PCDHA8: variants seen among roughly 807,000 people sequenced by gnomAD.
The protein encoded by PCDHA8 is protocadherin alpha 8.
PCDHA8 carries 53 observed loss-of-function variants against 61.8 expected under a neutral mutation model. The ratio of observed to expected loss-of-function variants is 0.86; its 90% CI spans 0.69 to 1.08. The LOEUF (loss-of-function observed/expected upper bound fraction) is 1.08. PCDHA8 is among the 50% of genes least tolerant of loss of function. The pLI, the probability that PCDHA8 is intolerant of heterozygous loss-of-function variation, is 0.00. For missense variants in PCDHA8, 1,293 were observed against 1,245.0 expected (o/e 1.04, Z -0.58); for synonymous variants, 618 against 556.6 (o/e 1.11, Z -1.55).
At chr5:141,007,933 A>T (rs1168610845) in intron 3 of PCDHA8, among the ~76,000 whole-genome samples, 1 of 152,212 alleles carries the variant, frequency 6.6e-6, no homozygotes, top group African/African-American at 2.4e-5. Context: ...TGGAATTCTA[A>T]GCCACCTTTT....
At chr5:140,848,355 C>A in intron 1 of PCDHA8, 1 of 1,031,242 alleles carries the variant, frequency 9.7e-7, no homozygotes, top group Non-Finnish European at 1.4e-6. Context: ...GCCCTTTTCC[C>A]ATGGGAAAGA....
At chr5:140,869,174 G>A (rs2050887580) in intron 1 of PCDHA8, 1 of 1,613,958 alleles carries the variant, frequency 6.2e-7, no homozygotes, top group Non-Finnish European at 8.5e-7. Flanking sequence ...CTCGAATTCT[G>A]GGAGGTGGGG....
intron 1 of PCDHA8, chr5:140,967,711 G>C (rs557842321): frequency 6.2e-7 from 1 of 1,614,168 alleles, no homozygotes; most frequent in East Asian, 2.2e-5. Context: ...CCAGTACCGG[G>C]GAAGTGCGAG....
At chr5:140,968,321 A>ACCTCCTATGT in intron 1 of PCDHA8, 1 of 1,613,834 alleles carries the variant, frequency 6.2e-7, no homozygotes, top group Non-Finnish European at 8.5e-7. Flanking sequence ...GCTGCCAGTC[A>ACCTCCTATGT]CCTCCTATGT....
chr5:140,989,630 G>C (rs1483532761), intron 3 of PCDHA8, among the ~76,000 whole-genome samples: 4 of 152,228 alleles, frequency 2.6e-5, no homozygotes, highest in Admixed American at 2.6e-4. Context: ...CCTAGTGACA[G>C]CAAGGGTCTT....
chr5:141,000,158 A>G (rs1313496168), intron 3 of PCDHA8, among the ~76,000 whole-genome samples: 1 of 151,968 alleles, frequency 6.6e-6, no homozygotes, highest in Non-Finnish European at 1.5e-5. Context: ...AACAAAAACT[A>G]TTTGATTATT....
intron 1 of PCDHA8, chr5:140,882,226 G>A (rs778262653): frequency 1.3e-6 from 2 of 1,564,150 alleles, no homozygotes; most frequent in Non-Finnish European, 1.7e-6. Context: ...GAGGTAAGGC[G>A]TTGTATATAT....
intron 1 of PCDHA8, chr5:140,847,674 G>A (rs2150402803): frequency 6.7e-6 from 1 of 149,800 alleles, no homozygotes; most frequent in African/African-American, 2.4e-5. Flanking sequence ...AGCTTGGAAA[G>A]AATCAAAACA....
At chr5:141,005,478 C>T (rs1021420332) in intron 3 of PCDHA8, among the ~76,000 whole-genome samples, 8 of 151,550 alleles carry the variant, frequency 5.3e-5, no homozygotes, top group East Asian at 3.9e-4. Context: ...CCGAGACGGG[C>T]GGATCATGAG....
intron 1 of PCDHA8, among the ~76,000 whole-genome samples, chr5:140,899,543 G>C (rs1231734616): frequency 1.3e-5 from 2 of 152,144 alleles, no homozygotes; most frequent in Non-Finnish European, 2.9e-5. Flanking sequence ...CTTGATCATG[G>C]TGGATAAGCT....
chr5:140,846,373 CT>C (rs2150388509), intron 1 of PCDHA8, among the ~76,000 whole-genome samples: 2,055 of 55,084 alleles, frequency 0.037, 29 homozygotes, highest in African/African-American at 0.088. Flanking sequence ...TTCTTTCTTT[CT>C]TTTTTTTTTT....
chr5:140,944,346 C>A (rs2093644964), intron 1 of PCDHA8, among the ~76,000 whole-genome samples: 2 of 152,130 alleles, frequency 1.3e-5, no homozygotes, highest in African/African-American at 4.8e-5. Flanking sequence ...TGCCACCACA[C>A]CTGGCTAATT....
Position 140,857,722 on chromosome 5 carries a change from C to G in PCDHA8, c.2394+14007C>G, listed in dbSNP as rs371525843. The G allele has an allele frequency of 7.4e-5, 119 of 1,597,430 alleles. 2 individuals carry two copies. The highest frequency in any genetic ancestry group is 6.2e-4 in the East Asian group (28 of 44,824). The stretch of plus-strand genomic sequence containing the variant: ...TGCAGGTGTTCGTGCTGGACGAGAA[C>G]GACAACGCTCCCGCGCTGCTGGCGT... On this transcript the variant is annotated intron_variant, in intron 1 of 3. Transcript: ENST00000531613.
At position 140,857,686 on chromosome 5, in the gene PCDHA8, C is replaced by A; in HGVS notation, c.2394+13971C>A. The A allele has an allele frequency of 3.8e-6, 6 of 1,597,184 alleles. 1 individual carries two copies. Among genetic ancestry groups the A allele is most frequent in the Non-Finnish European group, 5.1e-6 (6 of 1,167,762 alleles). ...ATGGGGGCGTGCCGCCTCTGGGCAG[C>A]AACTTGACGCTGCAGGTGTTCGTGC... On this transcript the variant is annotated intron_variant, in intron 1 of 3. Transcript: ENST00000531613.
chr5:140,991,191 A>G (rs1316296536), intron 3 of PCDHA8, among the ~76,000 whole-genome samples: 2 of 152,218 alleles, frequency 1.3e-5, no homozygotes, highest in South Asian at 2.1e-4. Flanking sequence ...CTAGCACACA[A>G]TGATGCTCAA....
intron 1 of PCDHA8, chr5:140,928,189 G>A (rs1563102575): frequency 2.5e-6 from 4 of 1,614,214 alleles, no homozygotes; most frequent in Non-Finnish European, 3.4e-6. Context: ...GACAATCACT[G>A]TGTCAGTTGC....
chr5:140,848,619 G>A (rs2150415128), intron 1 of PCDHA8: 2 of 1,593,396 alleles, frequency 1.3e-6, no homozygotes, highest in Admixed American at 1.7e-5. Context: ...AGCCGAACAC[G>A]GCACCTTCGT....
Position 140,841,405 on chromosome 5 carries a change from C to A in PCDHA8, c.84C>A (p.Ser28Arg), listed in dbSNP as rs2150314710. 1.1e-5 allele frequency: 18 copies of A among 1,613,112 alleles called. No individual in the cohort carries two copies. Among genetic ancestry groups the A allele is most frequent in the South Asian group, 4.4e-5 (4 of 91,028 alleles). ...TCCTCGCAGCCTGGAAGGTGGGGAG[C>A]GGCCAGCTCCACTACTCCGTCCCCG... ...LLLLAAWKVGSGQLHYSVPEE... is the reference protein window; with the variant it reads ...LLLLAAWKVGRGQLHYSVPEE... Residue 28 changes from serine (S) to arginine (R), a missense_variant, in exon 1 of 4, where the codon AGC becomes AGA. Ser to Arg is a moderately radical substitution (Grantham distance 110). Transcript: ENST00000531613.
intron 1 of PCDHA8, chr5:140,928,138 A>G (rs1554205540): frequency 1.9e-6 from 3 of 1,614,190 alleles, no homozygotes; most frequent in South Asian, 1.1e-5. Context: ...AGTCCTGATC[A>G]CGGCCTCAGA....
Sources: gnomAD v4.1 joint callset for allele counts (sites outside exome capture counted in the v4.1 genomes callset) on GRCh38, gnomAD v4.1.1 for gene constraint, MANE v1.5 for transcripts, NCBI Gene and HGNC (gene_info 2026-07-23, HGNC 2026-07-21) for gene names.